GRIA1: variants seen among roughly 807,000 people sequenced by gnomAD.
The protein encoded by GRIA1 is glutamate ionotropic receptor AMPA type subunit 1, also known as glutamate receptor 1.
GRIA1 carries 31 observed loss-of-function variants against 99.2 expected under a neutral mutation model. The observed-to-expected ratio is 0.31, with a 90% CI of 0.23 to 0.42. The LOEUF (loss-of-function observed/expected upper bound fraction) is 0.42. GRIA1 is among the 10% of genes least tolerant of loss of function. The probability of loss-of-function intolerance (pLI) is 1.00; values close to 1 mark genes in which losing one functional copy is unlikely to be tolerated. For missense variants in GRIA1, 782 were observed against 1,157.5 expected (o/e 0.68, Z 4.71); for synonymous variants, 438 against 432.4 (o/e 1.01, Z -0.16).
rs767402812 is a variant in GRIA1, at chr5:153,490,990, G to A, written c.82+20G>A. The stretch of plus-strand genomic sequence containing the variant: ...AGATCGGTGAGTGAGGGGGCAGCCT[G>A]GGGAGGGACTTTCTGGGTCTGGCCA... On this transcript the variant is annotated intron_variant, in intron 1 of 15. Transcript: ENST00000285900. The A allele has an allele frequency of 2.5e-6, 4 of 1,608,510 alleles. No individual in the cohort carries two copies. The highest frequency in any genetic ancestry group is 3.4e-6 in the Non-Finnish European group (4 of 1,174,932).
At chr5:153,588,675 TTAAA>T (rs1275750248) in intron 2 of GRIA1, among the ~76,000 whole-genome samples, 2 of 152,218 alleles carry the variant, frequency 1.3e-5, no homozygotes, top group Non-Finnish European at 2.9e-5. Flanking sequence ...AATCAGATAA[TTAAA>T]TAAAGCCTTG....
chr5:153,503,891 C>T (rs1755239412), intron 2 of GRIA1, among the ~76,000 whole-genome samples: 1 of 152,184 alleles, frequency 6.6e-6, no homozygotes, highest in African/African-American at 2.4e-5. Flanking sequence ...AGGACTGAGA[C>T]ATGCCCTCTA....
chr5:153,788,128 T>A (rs1335117781), intron 13 of GRIA1, among the ~76,000 whole-genome samples: 1 of 151,938 alleles, frequency 6.6e-6, no homozygotes, highest in Non-Finnish European at 1.5e-5. Flanking sequence ...ACTCTTGGGC[T>A]TCTCCCAAAT....
intron 2 of GRIA1, among the ~76,000 whole-genome samples, chr5:153,632,656 T>C (rs1008513576): frequency 1.3e-5 from 2 of 152,174 alleles, no homozygotes; most frequent in Non-Finnish European, 2.9e-5. Flanking sequence ...AGGCAGATAC[T>C]ATGGTCCTCA....
chr5:153,798,107 G>A (rs925688566), intron 14 of GRIA1, among the ~76,000 whole-genome samples: 6 of 152,150 alleles, frequency 3.9e-5, no homozygotes, highest in African/African-American at 1.4e-4. Flanking sequence ...CTTCCTGAAT[G>A]TGTTCATGTT....
intron 2 of GRIA1, among the ~76,000 whole-genome samples, chr5:153,631,033 A>G (rs1478462998): frequency 6.6e-6 from 1 of 152,226 alleles, no homozygotes; most frequent in Non-Finnish European, 1.5e-5. Flanking sequence ...CTCTTCATTT[A>G]AGGAGAGAAA....
intron 10 of GRIA1, among the ~76,000 whole-genome samples, chr5:153,699,953 G>T (rs990340809): frequency 3.3e-5 from 5 of 152,268 alleles, no homozygotes; most frequent in African/African-American, 1.2e-4. Flanking sequence ...ACATTTTATG[G>T]GGTAGAAAAG....
chr5:153,714,654 T>G (rs556568742), intron 11 of GRIA1, among the ~76,000 whole-genome samples: 14 of 152,302 alleles, frequency 9.2e-5, no homozygotes, highest in African/African-American at 3.4e-4. Context: ...AGTATTGAGC[T>G]CTAGACAGAA....
rs370575108 is a variant in GRIA1 at position 153,698,211 on chromosome 5, G to A, written c.1245+57G>A. 1.8e-4 allele frequency: 167 copies of A among 945,782 alleles called. 2 individuals carry two copies. The East Asian group carries it at 2.1e-3, about 12-fold the overall frequency. The allele number at this position is 945,782 out of a possible 1,614,324, so 58.6% of individuals were successfully genotyped here. A position where few individuals can be genotyped will look rare whatever the true frequency, so the allele number is the denominator to read the frequency against. On this transcript the variant is annotated intron_variant, in intron 9 of 15. Coordinates refer to ENST00000285900, the MANE Select transcript of GRIA1 (RefSeq NM_000827.4). ...GGGATTCAAGCTAGGCCAGCACAAG[G>A]GTTTTCCACCAGGACTGAAAGCTGG...
At chr5:153,724,365 T>G (rs1243859350) in intron 11 of GRIA1, among the ~76,000 whole-genome samples, 2 of 152,078 alleles carry the variant, frequency 1.3e-5, no homozygotes, top group African/African-American at 4.8e-5. Context: ...GGAACGCAGT[T>G]CCTCACCAGC....
chr5:153,682,274 G>A (rs1379064302), intron 7 of GRIA1, among the ~76,000 whole-genome samples: 2 of 152,244 alleles, frequency 1.3e-5, no homozygotes, highest in East Asian at 3.9e-4. Context: ...CTGCAAAGGG[G>A]ATACAGGAGC....
At chr5:153,693,251 CTTCTGTTGTA>C (rs1757888410) in intron 8 of GRIA1, among the ~76,000 whole-genome samples, 1 of 152,144 alleles carries the variant, frequency 6.6e-6, no homozygotes, top group Admixed American at 6.5e-5. Flanking sequence ...ATGCACATCA[CTTCTGTTGTA>C]TTCCGTTGGC....
chr5:153,582,043 C>T (rs975314108), intron 2 of GRIA1, among the ~76,000 whole-genome samples: 2 of 152,220 alleles, frequency 1.3e-5, no homozygotes, highest in Non-Finnish European at 2.9e-5. Context: ...CAGGCGTAAG[C>T]CACCACACTC....
chr5:153,605,888 A>G (rs1319115758), intron 2 of GRIA1, among the ~76,000 whole-genome samples: 4 of 152,052 alleles, frequency 2.6e-5, no homozygotes, highest in African/African-American at 9.7e-5. Flanking sequence ...CTTCCTTTCC[A>G]TAGCTTGCAT....
At chr5:153,530,776 T>G (rs1363906115) in intron 2 of GRIA1, among the ~76,000 whole-genome samples, 1 of 152,194 alleles carries the variant, frequency 6.6e-6, no homozygotes, top group East Asian at 1.9e-4. Flanking sequence ...GCACAGGTGA[T>G]AGACACTGAA....
At chr5:153,744,910 G>A (rs1208419568) in intron 11 of GRIA1, among the ~76,000 whole-genome samples, 1 of 152,220 alleles carries the variant, frequency 6.6e-6, no homozygotes, top group East Asian at 1.9e-4. Flanking sequence ...AATGAGAGGT[G>A]AGCGTAGGAA....
chr5:153,645,655 T>A (rs1398714230), intron 2 of GRIA1, among the ~76,000 whole-genome samples: 1 of 152,088 alleles, frequency 6.6e-6, no homozygotes, highest in African/African-American at 2.4e-5. Context: ...TTAAGGAGCA[T>A]CTTGTGGGGC....
chr5:153,698,758 G>C (rs1758300786), intron 9 of GRIA1, 109 bp from the exon 10 acceptor site: 1 of 723,188 alleles, frequency 1.4e-6, no homozygotes, highest in Non-Finnish European at 2.5e-6. Context: ...AGGGGCTAGA[G>C]AGCCTTCCCC....
intron 7 of GRIA1, among the ~76,000 whole-genome samples, chr5:153,680,337 A>G (rs1395729471): frequency 6.6e-6 from 1 of 152,008 alleles, no homozygotes; most frequent in African/African-American, 2.4e-5. Flanking sequence ...TAATGAACCC[A>G]CATCCTGGAG....
Sources: gnomAD v4.1 joint callset for allele counts (sites outside exome capture counted in the v4.1 genomes callset) on GRCh38, gnomAD v4.1.1 for gene constraint, MANE v1.5 for transcripts, NCBI Gene and HGNC (gene_info 2026-07-23, HGNC 2026-07-21) for gene names.